Variants in FILIP1 observed in about 807,000 individuals in gnomAD.
FILIP1 encodes the protein filamin-A-interacting protein 1.
A neutral mutation model predicts 102.1 loss-of-function variants in FILIP1; 61 were observed. The observed-to-expected ratio is 0.60, with a 90% CI of 0.49 to 0.74. The LOEUF (loss-of-function observed/expected upper bound fraction) is 0.74, where lower values mean the gene tolerates loss of function less well. Among genes scored for constraint, FILIP1 ranks in the 30% least tolerant of loss-of-function variants. The probability of loss-of-function intolerance (pLI) is 0.00; values close to 1 mark genes in which losing one functional copy is unlikely to be tolerated. For synonymous variants in FILIP1, 491 were observed against 526.9 expected (o/e 0.93, Z 0.93); for missense variants, 1,314 against 1,441.2 (o/e 0.91, Z 1.43).
chr6:75,385,051 G>A (rs4588651), intron 2 of FILIP1: 102,328 of 149,906 alleles, frequency 0.68, 35,013 homozygotes, highest in Middle Eastern at 0.77. Flanking sequence ...TGCCCACCTC[G>A]GCCTCCCAAA....
At chr6:75,455,646 A>G (rs1193570603) in intron 1 of FILIP1, among the ~76,000 whole-genome samples, 1 of 152,148 alleles carries the variant, frequency 6.6e-6, no homozygotes. Context: ...CAACCCCAGA[A>G]CAGCTTGACT....
At chr6:75,464,519 T>C (rs150885409) in intron 1 of FILIP1, among the ~76,000 whole-genome samples, 3 of 152,348 alleles carry the variant, frequency 2.0e-5, no homozygotes, top group Non-Finnish European at 4.4e-5. Context: ...AAAGCAAAAT[T>C]TGTTAACAGG....
chr6:75,319,758 G>C lies in FILIP1; in HGVS notation c.630-4556C>G, dbSNP rs1773580348. On this transcript the variant is annotated intron_variant, in intron 4 of 5. Coordinates refer to ENST00000237172, the MANE Select transcript of FILIP1 (RefSeq NM_015687.5). The stretch of plus-strand genomic sequence containing the variant: ...GGCAGGATAATTGTGTGAACCCGGG[G>C]GGCGGAGCTTGCAGTGAGCTGAGAT... The C allele has an allele frequency of 4.5e-5, 14 of 309,058 alleles. No individual in the cohort carries two copies. The South Asian group carries it at 5.2e-4, about 12-fold the overall frequency. 19.1% of individuals were successfully genotyped at this position (309,058 alleles called of 1,614,324 possible).
intron 2 of FILIP1, among the ~76,000 whole-genome samples, chr6:75,388,847 T>C (rs1776186916): frequency 1.3e-5 from 2 of 152,222 alleles, no homozygotes; most frequent in African/African-American, 2.4e-5. Flanking sequence ...CTCTTCCTAT[T>C]TGAATACTCT....
chr6:75,475,849 G>A (rs1015353120), intron 1 of FILIP1, among the ~76,000 whole-genome samples: 1 of 152,114 alleles, frequency 6.6e-6, no homozygotes, highest in Non-Finnish European at 1.5e-5. Flanking sequence ...AAAGCATTTA[G>A]CACAGTTCCT....
intron 4 of FILIP1, among the ~76,000 whole-genome samples, chr6:75,321,750 C>T (rs1219312715): frequency 4.0e-5 from 6 of 151,460 alleles, no homozygotes; most frequent in African/African-American, 1.2e-4. Flanking sequence ...GCCGAGATTG[C>T]GCCACTGCAG....
intron 2 of FILIP1, among the ~76,000 whole-genome samples, chr6:75,374,235 A>G (rs1775673962): frequency 6.6e-6 from 1 of 152,166 alleles, no homozygotes; most frequent in Non-Finnish European, 1.5e-5. Context: ...ATCATCCTAC[A>G]GTGTATAATT....
At chr6:75,320,621 T>TA (rs1017697777) in intron 4 of FILIP1, among the ~76,000 whole-genome samples, 7 of 152,142 alleles carry the variant, frequency 4.6e-5, no homozygotes, top group African/African-American at 1.7e-4. Context: ...GGAAATTACC[T>TA]AAATAGAGAT....
intron 1 of FILIP1, among the ~76,000 whole-genome samples, chr6:75,474,656 T>G (rs906349068): frequency 5.3e-5 from 8 of 152,122 alleles, no homozygotes; most frequent in Admixed American, 1.3e-4. Flanking sequence ...CAGAGCTTCC[T>G]TTTTCCATGA....
chr6:75,483,145 A>C (rs1283170405), intron 1 of FILIP1, among the ~76,000 whole-genome samples: 4 of 152,236 alleles, frequency 2.6e-5, no homozygotes, highest in Admixed American at 1.3e-4. Context: ...AGCCTGTTCC[A>C]TAGAATTTCA....
intron 1 of FILIP1, among the ~76,000 whole-genome samples, chr6:75,472,367 T>C (rs1035240018): frequency 6.6e-6 from 1 of 152,166 alleles, no homozygotes; most frequent in Non-Finnish European, 1.5e-5. Flanking sequence ...AATATAATTA[T>C]AACATTTGAA....
At chr6:75,410,279 CTTATCTCA>C (rs1169380873) in intron 2 of FILIP1, among the ~76,000 whole-genome samples, 5 of 152,142 alleles carry the variant, frequency 3.3e-5, no homozygotes, top group Non-Finnish European at 5.9e-5. Flanking sequence ...CTGAGAGTAA[CTTATCTCA>C]TAAGGCATAG....
At chr6:75,299,665 T>A (rs575852467) in intron 6 of FILIP1, among the ~76,000 whole-genome samples, 1 of 152,300 alleles carries the variant, frequency 6.6e-6, no homozygotes, top group East Asian at 1.9e-4. Flanking sequence ...GTTTTTTTCC[T>A]TAAAAAAACT....
intron 2 of FILIP1, among the ~76,000 whole-genome samples, chr6:75,373,764 T>C (rs920231496): frequency 5.9e-5 from 9 of 152,298 alleles, no homozygotes; most frequent in South Asian, 2.1e-4. Context: ...ATCCCAGCAC[T>C]GTAGGAAGCT....
intron 1 of FILIP1, among the ~76,000 whole-genome samples, chr6:75,486,243 G>A (rs1486004484): frequency 2.0e-5 from 3 of 152,138 alleles, no homozygotes; most frequent in Non-Finnish European, 4.4e-5. Context: ...AAAATCAAAT[G>A]CTCCATGGCA....
At chr6:75,438,337 C>G (rs1778092462) in intron 1 of FILIP1, among the ~76,000 whole-genome samples, 1 of 152,214 alleles carries the variant, frequency 6.6e-6, no homozygotes, top group Non-Finnish European at 1.5e-5. Flanking sequence ...CTGATGAGTA[C>G]AGTCAGCCTG....
chr6:75,356,375 TG>T (rs200388718), intron 3 of FILIP1, among the ~76,000 whole-genome samples: 2,373 of 152,326 alleles, frequency 0.016, 67 homozygotes, highest in African/African-American at 0.054. Flanking sequence ...AGATAGAGAC[TG>T]GTGGAGAAGC....
intron 1 of FILIP1, among the ~76,000 whole-genome samples, chr6:75,466,591 C>A (rs1007959445): frequency 2.6e-5 from 4 of 152,180 alleles, no homozygotes; most frequent in East Asian, 1.9e-4. Flanking sequence ...TTCTGTTAGA[C>A]CCCTTGGCAA....
At chr6:75,406,331 T>C (rs1480198748) in intron 2 of FILIP1, among the ~76,000 whole-genome samples, 1 of 152,206 alleles carries the variant, frequency 6.6e-6, no homozygotes, top group Non-Finnish European at 1.5e-5. Context: ...TCTCACCCAC[T>C]CTGATTCTGT....
Sources: gnomAD v4.1 joint callset for allele counts (sites outside exome capture counted in the v4.1 genomes callset) on GRCh38, gnomAD v4.1.1 for gene constraint, MANE v1.5 for transcripts, NCBI Gene and HGNC (gene_info 2026-07-23, HGNC 2026-07-21) for gene names.